SCAMP5: variants seen among roughly 807,000 people sequenced by gnomAD.
SCAMP5 encodes secretory carrier membrane protein 5, also known as secretory carrier-associated membrane protein 5.
In SCAMP5, 7 loss-of-function variants were observed where a neutral mutation model predicts 28.3. That is an observed-to-expected ratio of 0.25 (90% CI 0.14 to 0.46). SCAMP5 has a LOEUF of 0.46. Ranked by LOEUF, SCAMP5 falls within the 20% of genes least tolerant of loss-of-function variation. The probability of loss-of-function intolerance (pLI) is 0.99; values close to 1 mark genes in which losing one functional copy is unlikely to be tolerated. For missense variants in SCAMP5, 192 were observed against 312.5 expected, an observed-to-expected ratio of 0.61 and a Z score of 2.91; for synonymous variants, 117 against 116.4, an observed-to-expected ratio of 1.00 and a Z score of -0.03.
intron 1 of SCAMP5, among the ~76,000 whole-genome samples, chr15:75,006,164 A>AT (rs762610740): frequency 2.2e-5 from 3 of 136,038 alleles, no homozygotes; most frequent in African/African-American, 5.6e-5. Context: ...CACCCAGTTA[A>AT]TTTTTTGTAT....
At chr15:75,013,766 T>G (rs1034408626) in intron 3 of SCAMP5, among the ~76,000 whole-genome samples, 4 of 152,178 alleles carry the variant, frequency 2.6e-5, no homozygotes, top group African/African-American at 9.7e-5. Context: ...AGTTCAAGGC[T>G]GCAGTGAGCT....
At chr15:75,009,042 A>G (rs1206169714) in intron 1 of SCAMP5, among the ~76,000 whole-genome samples, 1 of 152,148 alleles carries the variant, frequency 6.6e-6, no homozygotes, top group African/African-American at 2.4e-5. Context: ...TAACATACAG[A>G]CTGTTGTACA....
intron 1 of SCAMP5, 82 bp from the exon 2 acceptor site, chr15:75,011,710 T>G: frequency 3.0e-6 from 2 of 667,818 alleles, no homozygotes; most frequent in East Asian, 5.5e-5. Flanking sequence ...CTGGGGAGCT[T>G]GCAGCCCAGA....
chr15:75,016,615 G>A lies in SCAMP5; in HGVS notation c.159G>A (p.Val53=). 1 of 1,613,564 alleles carries A rather than the reference G, an allele frequency of 6.2e-7. No individual in the cohort carries two copies. The highest frequency in any genetic ancestry group is 8.5e-7 in the Non-Finnish European group (1 of 1,179,858). Residue 53 remains valine, a synonymous_variant, in exon 4 of 7, where the codon GTG becomes GTA. Transcript: ENST00000425597. ...LWMLNSVTLA[V]NLVGCLAWLI... ...CAGTGAACAGCGTCACGCTGGCCGT[G>A]AACCTGGTGGGCTGTCTCGCGTGGC...
chr15:75,017,570 T>G, intron 4 of SCAMP5: 1 of 558,376 alleles, frequency 1.8e-6, no homozygotes, highest in Non-Finnish European at 3.2e-6. Flanking sequence ...ACAATGAGAC[T>G]ATTTATTCCT....
chr15:75,000,659 C>T (rs1411916542), intron 1 of SCAMP5, among the ~76,000 whole-genome samples: 1 of 148,058 alleles, frequency 6.8e-6, no homozygotes, highest in Non-Finnish European at 1.5e-5. Context: ...GCTAGGATTA[C>T]AGGCGTGAGC....
chr15:75,011,543 T>C (rs982132246), intron 1 of SCAMP5: 3 of 296,352 alleles, frequency 1.0e-5, no homozygotes, highest in African/African-American at 6.4e-5. Context: ...GTTCCTTTCC[T>C]ACCCTTGGAT....
At position 75,019,042 on chromosome 15, in the gene SCAMP5, C is replaced by A; in HGVS notation, c.*59C>A. The A allele has an allele frequency of 8.0e-7, 1 of 1,250,110 alleles. No individual in the cohort carries two copies. The highest frequency in any genetic ancestry group is 1.1e-6 in the Non-Finnish European group (1 of 915,158). 77.4% of individuals were successfully genotyped at this position (1,250,110 alleles called of 1,614,324 possible). A position where few individuals can be genotyped will look rare whatever the true frequency, so the allele number is the denominator to read the frequency against. On this transcript the variant is annotated 3_prime_UTR_variant, in exon 7 of 7. Coordinates refer to ENST00000425597, the MANE Select transcript of SCAMP5 (RefSeq NM_138967.4). The stretch of plus-strand genomic sequence containing the variant: ...CCATTGGGACAGGGGGCTCAAGCCA[C>A]ATCGTCATTTGTGGTTACCAAGCAG...
At position 75,019,016 on chromosome 15, in the gene SCAMP5, G is replaced by A; in HGVS notation, c.*33G>A. 1 of 1,441,654 alleles carries A rather than the reference G, an allele frequency of 6.9e-7. No homozygotes were observed. Among genetic ancestry groups the A allele is most frequent in the Non-Finnish European group, 9.2e-7 (1 of 1,083,710 alleles). The allele number at this position is 1,441,654 out of a possible 1,614,324, so 89.3% of individuals were successfully genotyped here. A position where few individuals can be genotyped will look rare whatever the true frequency, so the allele number is the denominator to read the frequency against. Reference sequence around the variant, plus strand: ...ACGCCTACCAGGTGGCAGAGCTGGGGCCATTGGGACAGGGGGCTCAAGCCA... The same window carrying A: ...ACGCCTACCAGGTGGCAGAGCTGGGACCATTGGGACAGGGGGCTCAAGCCA... On this transcript the variant is annotated 3_prime_UTR_variant, in exon 7 of 7. Transcript: ENST00000425597.
intron 1 of SCAMP5, among the ~76,000 whole-genome samples, chr15:75,002,584 C>T (rs1054258721): frequency 3.3e-5 from 5 of 151,930 alleles, no homozygotes; most frequent in Non-Finnish European, 7.4e-5. Context: ...GCGTTAGTCC[C>T]GGTAGTGCCA....
At chr15:75,010,301 C>A (rs1222243920) in intron 1 of SCAMP5, among the ~76,000 whole-genome samples, 1 of 152,192 alleles carries the variant, frequency 6.6e-6, no homozygotes. Flanking sequence ...TCCCCTGGAA[C>A]CTCCGCCTCA....
chr15:74,998,481 C>G (rs58403754), intron 1 of SCAMP5, among the ~76,000 whole-genome samples: 30,288 of 151,752 alleles, frequency 0.2, 4,818 homozygotes, highest in South Asian at 0.43. Context: ...TGGTGCACGC[C>G]TGTAATCCCA....
rs769221596 is a variant in SCAMP5, at chr15:75,018,455, A to G, written c.433A>G (p.Ile145Val). Residue 145 changes from isoleucine to valine, a missense_variant, in exon 6 of 7, where the codon ATT becomes GTT. Coordinates refer to ENST00000425597, the MANE Select transcript of SCAMP5 (RefSeq NM_138967.4). This position sits in a 1 kb window ranked among gnomAD's most constrained non-coding sequence, Gnocchi z 5.6. Reference sequence around the variant, plus strand: ...TACCATCTCCTTCTTCGGAACGAACATTGGCTCGGCGGTGGTGATGCTAAT... The same window carrying G: ...TACCATCTCCTTCTTCGGAACGAACGTTGGCTCGGCGGTGGTGATGCTAAT... ...IATISFFGTNIGSAVVMLIPT... is the reference protein window; with the variant it reads ...IATISFFGTNVGSAVVMLIPT... 2 of 1,613,644 alleles carry G rather than the reference A, an allele frequency of 1.2e-6. No individual in the cohort carries two copies. The highest frequency in any genetic ancestry group is 1.7e-5 in the Admixed American group (1 of 59,990).
At position 75,018,714 on chromosome 15, in the gene SCAMP5, A is replaced by C; in HGVS notation, c.514-75A>C. The C allele has an allele frequency of 8.6e-7, 1 of 1,165,812 alleles. No individual in the cohort carries two copies. Among genetic ancestry groups the C allele is most frequent in the Non-Finnish European group, 1.3e-6 (1 of 787,018 alleles). The allele number at this position is 1,165,812 out of a possible 1,614,324, so 72.2% of individuals were successfully genotyped here. A position where few individuals can be genotyped will look rare whatever the true frequency, so the allele number is the denominator to read the frequency against. ...AGGGAGCACTGTTTTTTTTTTACAGATGGGTCCCATCTATTTCCTGGATGG... is the reference window on the plus strand; with the variant it reads ...AGGGAGCACTGTTTTTTTTTTACAGCTGGGTCCCATCTATTTCCTGGATGG... On this transcript the variant is annotated intron_variant, in intron 6 of 6. Coordinates refer to ENST00000425597, the MANE Select transcript of SCAMP5 (RefSeq NM_138967.4). The surrounding 1 kb of genome is among the most constrained non-coding windows in gnomAD (Gnocchi z 5.6).
rs1284275053 is a variant in SCAMP5 at position 74,996,786 on chromosome 15, G to A, written c.-49+1113G>A. On this transcript the variant is annotated intron_variant, in intron 1 of 6. Coordinates refer to ENST00000425597, the MANE Select transcript of SCAMP5 (RefSeq NM_138967.4). The surrounding 1 kb of genome is among the most constrained non-coding windows in gnomAD (Gnocchi z 4.1). Reference sequence around the variant, plus strand: ...CTTGCAGGGGCATGATTGGCAGAGAGATTTTGTTTGGGGCTACACAGGTCT... The same window carrying A: ...CTTGCAGGGGCATGATTGGCAGAGAAATTTTGTTTGGGGCTACACAGGTCT... 6.6e-6 allele frequency among the ~76,000 whole-genome samples: 1 copy of A among 152,202 alleles called. No homozygotes were observed. The highest frequency in any genetic ancestry group is 1.5e-5 in the Non-Finnish European group (1 of 68,024).
chr15:74,998,333 C>T (rs766129127), intron 1 of SCAMP5, among the ~76,000 whole-genome samples: 13 of 152,118 alleles, frequency 8.5e-5, no homozygotes, highest in Non-Finnish European at 1.6e-4. Flanking sequence ...TTGGCCGGCG[C>T]GGTGGCTCAT....
chr15:75,005,841 C>T (rs1322942637), intron 1 of SCAMP5, among the ~76,000 whole-genome samples: 1 of 151,954 alleles, frequency 6.6e-6, no homozygotes, highest in Non-Finnish European at 1.5e-5. Flanking sequence ...TCTCCTGCCT[C>T]AGCCTCCCGA....
At chr15:75,000,677 C>A (rs2065696514) in intron 1 of SCAMP5, among the ~76,000 whole-genome samples, 1 of 137,564 alleles carries the variant, frequency 7.3e-6, no homozygotes, top group Non-Finnish European at 1.6e-5. Context: ...AGCCATCGCA[C>A]CCAGCCTTTT....
In SCAMP5 at chr15:75,018,013, T is replaced by C; in HGVS notation, c.395+42T>C. On this transcript the variant is annotated intron_variant, in intron 5 of 6. Transcript: ENST00000425597. This position sits in a 1 kb window ranked among gnomAD's most constrained non-coding sequence, Gnocchi z 5.6. ...TGGCCTGGGGCTGGCAGGGGTGGCG[T>C]TGTGGGTGTATCTTTTGCTTACCTT... is the stretch of plus-strand genomic sequence containing the variant. 1 of 1,266,540 alleles carries C rather than the reference T, an allele frequency of 7.9e-7. No homozygotes were observed. The highest frequency in any genetic ancestry group is 1.7e-5 in the Admixed American group (1 of 58,838). The allele number at this position is 1,266,540 out of a possible 1,614,324, so 78.5% of individuals were successfully genotyped here. A position where few individuals can be genotyped will look rare whatever the true frequency, so the allele number is the denominator to read the frequency against.
Sources: gnomAD v4.1 joint callset for allele counts (sites outside exome capture counted in the v4.1 genomes callset) on GRCh38, gnomAD v4.1.1 for gene constraint, Gnocchi (gnomAD v3.1) non-coding constraint, MANE v1.5 for transcripts, NCBI Gene and HGNC (gene_info 2026-07-23, HGNC 2026-07-21) for gene names.